Variants in HEATR5A observed in about 807,000 individuals in gnomAD.
HEATR5A encodes HEAT repeat-containing protein 5A.
Under a neutral mutation model 218.8 loss-of-function variants are expected in HEATR5A, and 178 were observed. That is an observed-to-expected ratio of 0.81 (90% CI 0.72 to 0.92). The LOEUF is 0.92. HEATR5A is among the 40% of genes least tolerant of loss of function. The pLI, the probability that HEATR5A is intolerant of heterozygous loss-of-function variation, is 0.00. For synonymous variants in HEATR5A, 864 were observed against 871.6 expected (o/e 0.99, Z 0.15); for missense variants, 2,420 against 2,418.9 (o/e 1.00, Z -0.01).
At chr14:31,355,133 G>T (rs1326869551) in intron 16 of HEATR5A, among the ~76,000 whole-genome samples, 8 of 152,264 alleles carry the variant, frequency 5.3e-5, no homozygotes, top group African/African-American at 1.9e-4. Flanking sequence ...ACAAACGCAG[G>T]CCAGGAGCAG....
At chr14:31,355,325 A>G (rs1254023259) in intron 16 of HEATR5A, among the ~76,000 whole-genome samples, 1 of 152,156 alleles carries the variant, frequency 6.6e-6, no homozygotes, top group East Asian at 1.9e-4. Flanking sequence ...AGGCAGGAGA[A>G]TCACTTGAAC....
chr14:31,420,088 T>C (rs7156793), intron 1 of HEATR5A: 148,797 of 152,556 alleles, frequency 0.98, 72,652 homozygotes, highest in Middle Eastern at 1. Flanking sequence ...GGGCTCCGAC[T>C]TGCTGACCTT....
intron 25 of HEATR5A, 62 bp from the exon 26 acceptor site, chr14:31,318,354 T>C: frequency 7.9e-7 from 1 of 1,261,008 alleles, no homozygotes; most frequent in South Asian, 1.2e-5. Context: ...GTTCTCCCTC[T>C]TTTTAATGTT....
chr14:31,418,445 A>C (rs2139335606), intron 1 of HEATR5A, among the ~76,000 whole-genome samples: 1 of 152,252 alleles, frequency 6.6e-6, no homozygotes, highest in East Asian at 1.9e-4. Context: ...TGTTCAATAA[A>C]ACTTTTATAA....
chr14:31,339,669 A>G (rs1057437356), intron 21 of HEATR5A, among the ~76,000 whole-genome samples: 2 of 152,076 alleles, frequency 1.3e-5, no homozygotes, highest in African/African-American at 4.8e-5. Context: ...GTTCTGTTAT[A>G]CCTTCAAGCT....
At chr14:31,306,137 C>T (rs751214451) in intron 31 of HEATR5A, among the ~76,000 whole-genome samples, 21 of 152,146 alleles carry the variant, frequency 1.4e-4, no homozygotes, top group Non-Finnish European at 2.8e-4. Context: ...AGTAATTTAA[C>T]TACTGACAAT....
chr14:31,316,600 A>G (rs1413409913), intron 26 of HEATR5A, among the ~76,000 whole-genome samples: 3 of 152,268 alleles, frequency 2.0e-5, no homozygotes, highest in Non-Finnish European at 4.4e-5. Context: ...GATTGTTTTG[A>G]AGACAGTGTA....
At chr14:31,362,571 T>A (rs11845215) in intron 14 of HEATR5A, among the ~76,000 whole-genome samples, 3,101 of 122,686 alleles carry the variant, frequency 0.025, 114 homozygotes, top group African/African-American at 0.091. Flanking sequence ...GAGAACAACC[T>A]GGGCAGCACA....
intron 11 of HEATR5A, among the ~76,000 whole-genome samples, chr14:31,377,651 G>A (rs1038085577): frequency 1.3e-5 from 2 of 152,024 alleles, no homozygotes; most frequent in African/African-American, 4.8e-5. Context: ...GCAGGGTGGT[G>A]CACACAGTCC....
chr14:31,293,520 A>C lies in HEATR5A; in HGVS notation c.5926T>G (p.Leu1976Val). 6.2e-7 allele frequency: 1 copy of C among 1,613,910 alleles called. No homozygotes were observed. Among genetic ancestry groups the C allele is most frequent in the Non-Finnish European group, 8.5e-7 (1 of 1,179,806 alleles). The change falls in exon 36 of 36, where the codon TTA becomes GTA. Residue 1976 changes from leucine to valine, a missense_variant. Transcript: ENST00000543095. ...LGSATSIMRN[L>V]HDFALQNLMQ... ...AGATTTTGTAGAGCAAAGTCATGTA[A>C]ATTTCTCATTATGGAAGTTGCTGAT...
Position 31,307,951 on chromosome 14 carries a change from T to C in HEATR5A, c.4760A>G (p.His1587Arg). ...ATMESITACL[H>R]ALQALLDVPW... ...TACATCTAGAAGTGCTTGCAATGCA[T>C]GTAAACAAGCAGTTATGCTTTCCAT... The change falls in exon 30 of 36, where the codon CAT (histidine) becomes CGT (arginine). Residue 1587 changes from histidine (H) to arginine (R), a missense_variant. By Grantham distance (29) the His-to-Arg change is conservative. Coordinates refer to ENST00000543095, the MANE Select transcript of HEATR5A (RefSeq NM_015473.4). 6.2e-7 allele frequency: 1 copy of C among 1,613,768 alleles called. No homozygotes were observed. The highest frequency in any genetic ancestry group is 1.3e-5 in the African/African-American group (1 of 75,042).
chr14:31,389,170 G>A (rs1008351324), intron 6 of HEATR5A, among the ~76,000 whole-genome samples, 165 bp from the exon 7 acceptor site: 1 of 152,144 alleles, frequency 6.6e-6, no homozygotes, highest in Admixed American at 6.5e-5. Flanking sequence ...AGTCACACAA[G>A]GGGTCAGAGG....
At position 31,301,898 on chromosome 14, in the gene HEATR5A, A is replaced by C. The variant is rs138158719; in HGVS notation, c.5464+397T>G. 6.4e-3 allele frequency among the ~76,000 whole-genome samples: 873 copies of C among 135,554 alleles called. 9 individuals carry two copies. Among genetic ancestry groups the C allele is most frequent in the South Asian group, 0.017 (74 of 4,240 alleles). 88.9% of individuals were successfully genotyped at this position (135,554 alleles called of 152,430 possible). A position where few individuals can be genotyped will look rare whatever the true frequency, so the allele number is the denominator to read the frequency against. On this transcript the variant is annotated intron_variant, in intron 33 of 35. Transcript: ENST00000543095. ...AATGGCGTGATCTTGGCTCCCTGAA[A>C]CCTCCACCTCCAGGGTTCAAGCAAT...
intron 1 of HEATR5A, among the ~76,000 whole-genome samples, chr14:31,414,004 T>C (rs1348979811): frequency 1.3e-5 from 2 of 152,242 alleles, no homozygotes; most frequent in East Asian, 1.9e-4. Flanking sequence ...TCCAGAGACA[T>C]CAGCTTTCAG....
At chr14:31,320,581 G>A in intron 25 of HEATR5A, 1 of 789,756 alleles carries the variant, frequency 1.3e-6, no homozygotes. Context: ...TTAGACCCCT[G>A]GTACAACAGC....
Position 31,337,608 on chromosome 14 carries a change from G to C in HEATR5A, c.3235C>G (p.Leu1079Val). 1 of 1,600,034 alleles carries C rather than the reference G, an allele frequency of 6.2e-7. No individual in the cohort carries two copies. Among genetic ancestry groups the C allele is most frequent in the Non-Finnish European group, 8.5e-7 (1 of 1,172,950 alleles). ...CTCAGTAACAAGTAGGGGCTACAAA[G>C]ATTCACCTGAAAAATACCATTTGAG... Reference protein sequence around the residue: ...SSLVSCLCVNLCSPYLLLRRA... With the variant: ...SSLVSCLCVNVCSPYLLLRRA... Residue 1079 changes from leucine to valine, a missense_variant, in exon 22 of 36, where the codon CTT becomes GTT. Coordinates refer to ENST00000543095, the MANE Select transcript of HEATR5A (RefSeq NM_015473.4).
chr14:31,407,214 C>A (rs2031101414), intron 1 of HEATR5A, among the ~76,000 whole-genome samples: 1 of 152,028 alleles, frequency 6.6e-6, no homozygotes, highest in Non-Finnish European at 1.5e-5. Flanking sequence ...TCACTTGAGC[C>A]CAGGAGGTTG....
In HEATR5A at chr14:31,331,904, C is replaced by G. The variant is rs369761978; in HGVS notation, c.3368-5562G>C. Among the ~76,000 whole-genome samples, 10 of 152,284 alleles carry G rather than the reference C, an allele frequency of 6.6e-5. No homozygotes were observed. In the South Asian group the frequency reaches 2.1e-3, roughly 32 times the overall value. ...AACCGCTCCCATGATCCAATCACCC[C>G]CAACTAGGTCCCTCCCTCAACACCT... On this transcript the variant is annotated intron_variant, in intron 22 of 35. Transcript: ENST00000543095.
chr14:31,325,524 G>T (rs992351898), intron 23 of HEATR5A, among the ~76,000 whole-genome samples: 1 of 151,662 alleles, frequency 6.6e-6, no homozygotes, highest in Non-Finnish European at 1.5e-5. Context: ...ATGTATGTAT[G>T]TAGAGACAGG....
Sources: gnomAD v4.1 joint callset for allele counts (sites outside exome capture counted in the v4.1 genomes callset) on GRCh38, gnomAD v4.1.1 for gene constraint, MANE v1.5 for transcripts, NCBI Gene and HGNC (gene_info 2026-07-23, HGNC 2026-07-21) for gene names.